PIK3C2A: variants seen among roughly 807,000 people sequenced by gnomAD.
PIK3C2A encodes phosphatidylinositol-4-phosphate 3-kinase catalytic subunit type 2 alpha, also known as phosphatidylinositol 4-phosphate 3-kinase C2 domain-containing subunit alpha.
A neutral mutation model predicts 204.5 loss-of-function variants in PIK3C2A; 97 were observed. The ratio of observed to expected loss-of-function variants is 0.47; its 90% CI spans 0.40 to 0.56. PIK3C2A has a LOEUF of 0.56. Ranked by LOEUF, PIK3C2A falls within the 20% of genes least tolerant of loss-of-function variation. The pLI, the probability that PIK3C2A is intolerant of heterozygous loss-of-function variation, is 0.00. For missense variants in PIK3C2A, 1,735 were observed against 1,969.2 expected (o/e 0.88, Z 2.25); for synonymous variants, 653 against 664.4 (o/e 0.98, Z 0.26).
At chr11:17,175,973 A>T (rs1851323972) in intron 1 of PIK3C2A, among the ~76,000 whole-genome samples, 1 of 150,252 alleles carries the variant, frequency 6.7e-6, no homozygotes, top group South Asian at 2.1e-4. Flanking sequence ...ACCTTAAAGG[A>T]AAATAAATTA....
At chr11:17,189,196 G>A (rs1298967188) in intron 1 of PIK3C2A, among the ~76,000 whole-genome samples, 2 of 147,182 alleles carry the variant, frequency 1.4e-5, no homozygotes, top group African/African-American at 2.7e-5. Context: ...ACAAAGCACA[G>A]ACTCATCTTA....
rs1849879454 is a variant in PIK3C2A at position 17,136,551 on chromosome 11, A to C, written c.1779T>G (p.Thr593=). ...TCTTTACTGATTCTGTAATGGCAAG[A>C]GTCTCGACACCATCTAAAGCACTAC... ...KICSALDGVE[T]LAITESVKKL... The change falls in exon 9 of 33, where the codon ACT becomes ACG. Residue 593 remains threonine, a synonymous_variant. Transcript: ENST00000691414. 1 of 1,602,078 alleles carries C rather than the reference A, an allele frequency of 6.2e-7. No homozygotes were observed. The highest frequency in any genetic ancestry group is 1.3e-5 in the African/African-American group (1 of 74,752).
chr11:17,198,958 A>C (rs1405458536), intron 1 of PIK3C2A, among the ~76,000 whole-genome samples: 1 of 152,112 alleles, frequency 6.6e-6, no homozygotes. Flanking sequence ...GTCTCTACCA[A>C]AAATACAAAA....
intron 1 of PIK3C2A, among the ~76,000 whole-genome samples, chr11:17,178,092 CAAAAAAAAAAAAA>C (rs750346823): frequency 1.6e-5 from 1 of 64,136 alleles, no homozygotes; most frequent in Non-Finnish European, 2.6e-5. Context: ...GACTCCATCT[CAAAAAAAAAAAAA>C]AAAAAAAGAA....
chr11:17,134,916 G>T lies in PIK3C2A; in HGVS notation c.2011C>A (p.Gln671Lys), dbSNP rs1232026577. ...NSGRSPTDCA[Q>K]SSKSVKEAWT... is the part of the protein sequence containing the mutation. ...GCTTCCTTGACACTCTTGCTACTTTGGGCACAGTCTGTAGGACTCCTACCA... is the reference window on the plus strand; with the variant it reads ...GCTTCCTTGACACTCTTGCTACTTTTGGCACAGTCTGTAGGACTCCTACCA... Residue 671 changes from glutamine (Q) to lysine (K), a missense_variant, in exon 11 of 33, where the codon CAA becomes AAA. Transcript: ENST00000691414. 1.9e-5 allele frequency: 31 copies of T among 1,613,882 alleles called. No homozygotes were observed. Among genetic ancestry groups the T allele is most frequent in the African/African-American group, 2.7e-5 (2 of 74,888 alleles).
Position 17,087,853 on chromosome 11 carries a change from G to A in PIK3C2A, c.*1885C>T, listed in dbSNP as rs1473463555. The stretch of plus-strand genomic sequence containing the variant: ...ACAACACATTTTAACATTTAAAAAA[G>A]ACATTCATATACCATACTCATGGGT... On this transcript the variant is annotated 3_prime_UTR_variant, in exon 33 of 33. Transcript: ENST00000691414. 1 of 152,144 alleles carries A rather than the reference G, an allele frequency of 6.6e-6. No homozygotes were observed. The allele number at this position is 152,144 out of a possible 1,614,324, so 9.4% of individuals were successfully genotyped here. A position where few individuals can be genotyped will look rare whatever the true frequency, so the allele number is the denominator to read the frequency against.
intron 2 of PIK3C2A, among the ~76,000 whole-genome samples, chr11:17,163,263 G>C (rs1457237022): frequency 6.6e-6 from 1 of 152,040 alleles, no homozygotes; most frequent in Non-Finnish European, 1.5e-5. Context: ...CCGAGATCAC[G>C]CCACTGCACT....
At chr11:17,203,320 C>T (rs1852452251) in intron 1 of PIK3C2A, among the ~76,000 whole-genome samples, 1 of 149,300 alleles carries the variant, frequency 6.7e-6, no homozygotes, top group African/African-American at 2.5e-5. Context: ...TAGTGAGACA[C>T]CATCTCTATT....
rs187276003 is a variant in PIK3C2A at position 17,111,834 on chromosome 11, G to A, written c.3414+740C>T. 2.5e-3 allele frequency among the ~76,000 whole-genome samples: 339 copies of A among 133,418 alleles called. 3 individuals carry two copies. Among genetic ancestry groups the A allele is most frequent in the African/African-American group, 9.2e-3 (321 of 34,734 alleles). The allele number at this position is 133,418 out of a possible 152,430, so 87.5% of individuals were successfully genotyped here. ...GAAGGTTGCAGTGAGCTGAGATCACGCCATTGCACTCCAGCCTGGGCAATA... is the reference window on the plus strand; with the variant it reads ...GAAGGTTGCAGTGAGCTGAGATCACACCATTGCACTCCAGCCTGGGCAATA... On this transcript the variant is annotated intron_variant, in intron 21 of 32. Transcript: ENST00000691414.
At chr11:17,148,348 A>C (rs1850315692) in intron 5 of PIK3C2A, 1 of 231,390 alleles carries the variant, frequency 4.3e-6, no homozygotes, top group Non-Finnish European at 8.6e-6. Context: ...AATATAGTCT[A>C]TAATGATGTG....
intron 18 of PIK3C2A, 44 bp from the exon 19 acceptor site, chr11:17,117,715 T>TG (rs1437657512): frequency 4.3e-6 from 5 of 1,161,446 alleles, no homozygotes; most frequent in Non-Finnish European, 4.8e-6. Flanking sequence ...TTGGTTTTTT[T>TG]TTTTTTTTTT....
intron 1 of PIK3C2A, among the ~76,000 whole-genome samples, chr11:17,196,276 G>T (rs1486510249): frequency 1.3e-5 from 2 of 152,050 alleles, no homozygotes; most frequent in East Asian, 3.9e-4. Flanking sequence ...GGTATAATAG[G>T]AAGCCCAGGG....
rs578068060 is a variant in PIK3C2A at position 17,182,562 on chromosome 11, T to C, written c.-65-12756A>G. Among the ~76,000 whole-genome samples, 170 of 134,108 alleles carry C rather than the reference T, an allele frequency of 1.3e-3. 1 individual carries two copies. Among genetic ancestry groups the C allele is most frequent in the African/African-American group, 4.9e-3 (158 of 32,086 alleles). 88.0% of individuals were successfully genotyped at this position (134,108 alleles called of 152,430 possible). ...CAGCCTGGACGACAGAACAAGACCC[T>C]GTCTCAAAAAAAAAAAAAAAAAAAG... is the stretch of plus-strand genomic sequence containing the variant. On this transcript the variant is annotated intron_variant, in intron 1 of 32. Coordinates refer to ENST00000691414, the MANE Select transcript of PIK3C2A (RefSeq NM_002645.4).
At position 17,119,284 on chromosome 11, in the gene PIK3C2A, G is replaced by T; in HGVS notation, c.2876C>A (p.Ala959Asp). The part of the protein sequence containing the change: ...KFADQEVRSL[A>D]VTWIEAISDD... ...ACTAATGGCCTCAATCCAGGTCACAGCTAGGGATCTTACTTCCTGATCAGC... is the reference window on the plus strand; with the variant it reads ...ACTAATGGCCTCAATCCAGGTCACATCTAGGGATCTTACTTCCTGATCAGC... Residue 959 changes from alanine (A) to aspartate (D), a missense_variant, in exon 17 of 33, where the codon GCT becomes GAT. Ala to Asp is a moderately radical substitution (Grantham distance 126). Transcript: ENST00000691414. The T allele has an allele frequency of 6.2e-7, 1 of 1,604,976 alleles. No homozygotes were observed. The highest frequency in any genetic ancestry group is 8.5e-7 in the Non-Finnish European group (1 of 1,172,408).
chr11:17,142,497 T>C (rs1850096811), intron 8 of PIK3C2A, among the ~76,000 whole-genome samples: 1 of 152,108 alleles, frequency 6.6e-6, no homozygotes, highest in African/African-American at 2.4e-5. Context: ...ATCAACTGTA[T>C]CAAAAAATAC....
intron 3 of PIK3C2A, among the ~76,000 whole-genome samples, chr11:17,153,076 T>A (rs887191790): frequency 6.6e-6 from 1 of 152,070 alleles, no homozygotes; most frequent in African/African-American, 2.4e-5. Context: ...TGGTTTCTCA[T>A]CTTATCCTAA....
In PIK3C2A at chr11:17,119,933, TAAC is replaced by T; in HGVS notation, c.2696_2698del (p.Arg899_Tyr900delinsHis). On this transcript the variant is annotated inframe_deletion, in exon 16 of 33. Coordinates refer to ENST00000691414, the MANE Select transcript of PIK3C2A (RefSeq NM_002645.4). ...ACAATTTGGGTGTTTGAAGCAATAA[TAAC>T]GTTTCTCCCATAAAAAAGCTTTATC... The T allele has an allele frequency of 6.2e-7, 1 of 1,606,042 alleles. No individual in the cohort carries two copies. Among genetic ancestry groups the T allele is most frequent in the Non-Finnish European group, 8.5e-7 (1 of 1,174,878 alleles).
intron 25 of PIK3C2A, 64 bp downstream of exon 25, chr11:17,101,214 T>G: frequency 1.1e-6 from 1 of 920,528 alleles, no homozygotes; most frequent in Non-Finnish European, 1.6e-6. Flanking sequence ...AATAATCTTT[T>G]TTAAGTATTG....
At chr11:17,207,605 C>T (rs1852631588) in intron 1 of PIK3C2A, among the ~76,000 whole-genome samples, 1 of 152,098 alleles carries the variant, frequency 6.6e-6, no homozygotes, top group Admixed American at 6.5e-5. Context: ...CTGGTGGGGA[C>T]GCGGGCTCCT....
Sources: gnomAD v4.1 joint callset for allele counts (sites outside exome capture counted in the v4.1 genomes callset) on GRCh38, gnomAD v4.1.1 for gene constraint, MANE v1.5 for transcripts, NCBI Gene and HGNC (gene_info 2026-07-23, HGNC 2026-07-21) for gene names.